Variants in OR10J1 observed in about 807,000 individuals in gnomAD.
OR10J1 encodes olfactory receptor family 10 subfamily J member 1, also known as olfactory receptor 10J1.
For synonymous variants in OR10J1, 202 were observed against 143.8 expected, an observed-to-expected ratio of 1.40 and a Z score of -2.89; for missense variants, 474 against 376.6, an observed-to-expected ratio of 1.26 and a Z score of -2.14.
the OR10J1 span, among the ~76,000 whole-genome samples, chr1:159,422,842 G>C: frequency 6.6e-6 from 1 of 151,996 alleles, no homozygotes; most frequent in African/African-American, 2.4e-5. Context: ...GGGGCTTTTC[G>C]CTTACTCTTT....
the OR10J1 span, among the ~76,000 whole-genome samples, chr1:159,407,598 A>G: frequency 6.6e-6 from 1 of 152,128 alleles, no homozygotes. Flanking sequence ...GAAGCTAAAG[A>G]CAAAGGACAG....
At chr1:159,414,855 A>G in the OR10J1 span, among the ~76,000 whole-genome samples, 1 of 151,916 alleles carries the variant, frequency 6.6e-6, no homozygotes, top group Admixed American at 6.6e-5. Flanking sequence ...TTTTTCATGT[A>G]TGGTTGGTCA....
At chr1:159,433,396 C>T (rs554738490), upstream of OR10J1, among the ~76,000 whole-genome samples, 1 of 152,294 alleles carries the variant, frequency 6.6e-6, no homozygotes, top group South Asian at 2.1e-4. Flanking sequence ...CCATGCACTG[C>T]ACTATAATGT....
At chr1:159,400,084 T>TAAAGAAAGATAGTAATG in the OR10J1 span, among the ~76,000 whole-genome samples, 4 of 151,438 alleles carry the variant, frequency 2.6e-5, no homozygotes, top group African/African-American at 9.7e-5. Context: ...TCATCTTTAC[T>TAAAGAAAGATAGTAATG]AAAGAAAGAT....
At chr1:159,427,162 C>T in the OR10J1 span, among the ~76,000 whole-genome samples, 1 of 151,586 alleles carries the variant, frequency 6.6e-6, no homozygotes, top group African/African-American at 2.4e-5. Flanking sequence ...TACGGCTTCA[C>T]AAAAAGACTA....
At chr1:159,408,006 C>T in the OR10J1 span, among the ~76,000 whole-genome samples, 1 of 151,924 alleles carries the variant, frequency 6.6e-6, no homozygotes, top group Non-Finnish European at 1.5e-5. Context: ...AGAAGGGTTC[C>T]TAACTCAGTC....
chr1:159,424,980 A>G, the OR10J1 span, among the ~76,000 whole-genome samples: 5 of 152,290 alleles, frequency 3.3e-5, no homozygotes, highest in African/African-American at 1.2e-4. Context: ...AAAGAAAGGG[A>G]GAAAAACACA....
the OR10J1 span, among the ~76,000 whole-genome samples, chr1:159,420,522 G>A: frequency 6.6e-6 from 1 of 151,948 alleles, no homozygotes; most frequent in Non-Finnish European, 1.5e-5. Context: ...ATGTATTTTA[G>A]TGACAGTAAT....
chr1:159,411,115 C>T, the OR10J1 span, among the ~76,000 whole-genome samples: 5 of 151,886 alleles, frequency 3.3e-5, no homozygotes, highest in African/African-American at 1.2e-4. Context: ...AGCTTTACTT[C>T]CAACTATGTG....
In OR10J1 at chr1:159,440,470, A is replaced by G. The variant is rs375792422; in HGVS notation, c.679A>G (p.Ile227Val). Residue 227 changes from isoleucine to valine, a missense_variant, in exon 1 of 1, where the codon ATT (isoleucine) becomes GTT (valine). Ile to Val is a conservative substitution (Grantham distance 29, BLOSUM62 3). Coordinates refer to ENST00000423932, the MANE Select transcript of OR10J1 (RefSeq NM_012351.3). The part of the protein sequence containing the change: ...YVLIISTILK[I>V]ASVEGRKKAF... ...TCTCATTATCTCTACAATCCTCAAG[A>G]TTGCTTCAGTTGAGGGCCGGAAGAA... 3 of 1,614,024 alleles carry G rather than the reference A, an allele frequency of 1.9e-6. No homozygotes were observed. The highest frequency in any genetic ancestry group is 2.7e-5 in the African/African-American group (2 of 74,998).
chr1:159,433,403 A>T (rs1185405394), upstream of OR10J1, among the ~76,000 whole-genome samples: 1 of 152,218 alleles, frequency 6.6e-6, no homozygotes, highest in Admixed American at 6.5e-5. Context: ...CTGCACTATA[A>T]TGTTAGACAT....
chr1:159,417,852 A>G, the OR10J1 span, among the ~76,000 whole-genome samples: 5 of 152,210 alleles, frequency 3.3e-5, no homozygotes, highest in Non-Finnish European at 7.3e-5. Flanking sequence ...CAAAATTCTT[A>G]TAATGATATG....
the OR10J1 span, among the ~76,000 whole-genome samples, chr1:159,417,508 A>C: frequency 1.3e-5 from 2 of 152,158 alleles, no homozygotes; most frequent in Non-Finnish European, 2.9e-5. Context: ...TTAAAAGTGG[A>C]AGTTGTCCTG....
chr1:159,410,477 T>G, the OR10J1 span, among the ~76,000 whole-genome samples: 1 of 152,204 alleles, frequency 6.6e-6, no homozygotes, highest in Non-Finnish European at 1.5e-5. Flanking sequence ...TTTTCCAGTT[T>G]ATTTTCGTAG....
At chr1:159,409,945 A>G in the OR10J1 span, among the ~76,000 whole-genome samples, 1 of 152,026 alleles carries the variant, frequency 6.6e-6, no homozygotes, top group Non-Finnish European at 1.5e-5. Flanking sequence ...TTCTGCATCT[A>G]TTGAGATAAT....
upstream of OR10J1, among the ~76,000 whole-genome samples, chr1:159,434,849 T>C (rs1655690193): frequency 1.3e-5 from 2 of 152,096 alleles, no homozygotes; most frequent in African/African-American, 4.8e-5. Context: ...ACACAGACAT[T>C]GCTCCCTGGG....
the OR10J1 span, chr1:159,432,548 G>T: frequency 4.2e-6 from 2 of 471,032 alleles, no homozygotes; most frequent in South Asian, 7.1e-5. Flanking sequence ...AATGCTTCCT[G>T]CTCACAGCCA....
the OR10J1 span, among the ~76,000 whole-genome samples, chr1:159,429,995 G>A: frequency 6.6e-6 from 1 of 152,036 alleles, no homozygotes; most frequent in African/African-American, 2.4e-5. Flanking sequence ...CCAGTGATAT[G>A]TAAGTCACAT....
At chr1:159,408,533 T>C in the OR10J1 span, among the ~76,000 whole-genome samples, 1 of 151,250 alleles carries the variant, frequency 6.6e-6, no homozygotes. Flanking sequence ...AGTTGGTGGG[T>C]GCAGCGCACC....
Sources: allele counts gnomAD v4.1 joint callset (sites outside exome capture counted in the v4.1 genomes callset), GRCh38; gene constraint gnomAD v4.1.1; transcripts MANE v1.5; gene names NCBI Gene and HGNC (gene_info 2026-07-23, HGNC 2026-07-21).